The following NF1 variants were observed in gnomAD, a reference collection of about 807,000 sequenced individuals.
NF1 encodes the protein neurofibromin 1, also known as neurofibromin.
Under a neutral mutation model 325.7 loss-of-function variants are expected in NF1, and 122 were observed. That is an observed-to-expected ratio of 0.37 (90% CI 0.32 to 0.44). NF1 has a LOEUF of 0.44. NF1 is among the 20% of genes least tolerant of loss of function. NF1 has a pLI of 1.00. For missense variants in NF1, 2,140 were observed against 3,415.4 expected (o/e 0.63, Z 9.31); for synonymous variants, 1,091 against 1,186.0 (o/e 0.92, Z 1.65).
intron 1 of NF1, among the ~76,000 whole-genome samples, chr17:31,147,291 A>G (rs1916646391): frequency 6.6e-6 from 1 of 152,192 alleles, no homozygotes; most frequent in Non-Finnish European, 1.5e-5. Context: ...TGAATTTAGC[A>G]TGGTTTTGAA....
rs539739926 is a variant in NF1 at position 31,270,763 on chromosome 17, G to A, written c.4835+5424G>A. 1.2e-4 allele frequency among the ~76,000 whole-genome samples: 19 copies of A among 152,238 alleles called. No individual in the cohort carries two copies. The South Asian group carries it at 3.3e-3, about 27-fold the overall frequency. ...TTTCCTAAGTGCTTTCTCTGCATCA[G>A]GAAACTGTGCATATTACATAATTTC... On this transcript the variant is annotated intron_variant, in intron 36 of 57. Coordinates refer to ENST00000358273, the MANE Select transcript of NF1 (RefSeq NM_001042492.3).
chr17:31,117,612 G>C (rs932171744), intron 1 of NF1, among the ~76,000 whole-genome samples: 1 of 130,756 alleles, frequency 7.6e-6, no homozygotes, highest in African/African-American at 2.9e-5. Flanking sequence ...GGCGGAGCTT[G>C]CAGTGAGCCA....
chr17:31,194,941 A>G (rs1283475299), intron 8 of NF1, among the ~76,000 whole-genome samples: 1 of 152,152 alleles, frequency 6.6e-6, no homozygotes, highest in East Asian at 1.9e-4. Context: ...ATGCATTATC[A>G]CTTTTGAAAG....
intron 36 of NF1, among the ~76,000 whole-genome samples, chr17:31,315,527 C>A (rs2068998449): frequency 1.3e-5 from 2 of 152,278 alleles, no homozygotes; most frequent in South Asian, 4.1e-4. Flanking sequence ...TAAATATATA[C>A]ACCTACTATG....
intron 48 of NF1, chr17:31,345,774 C>G: frequency 6.2e-7 from 1 of 1,613,112 alleles, no homozygotes; most frequent in South Asian, 1.1e-5. Flanking sequence ...CCAGCACTGG[C>G]TCCTTGATGG....
intron 36 of NF1, chr17:31,319,126 A>C: frequency 8.2e-7 from 1 of 1,220,230 alleles, no homozygotes; most frequent in East Asian, 2.3e-5. Flanking sequence ...CAAGTAAACT[A>C]CAAGCTTATG....
In NF1 at chr17:31,296,461, T is replaced by G. The variant is rs2068467387; in HGVS notation, c.4836-29359T>G. The stretch of plus-strand genomic sequence containing the variant: ...TTGTTGTCGAGTCCTTTTATAATTG[T>G]TCCAGTGATTAAACTAACAAAGCTC... On this transcript the variant is annotated intron_variant, in intron 36 of 57. Transcript: ENST00000358273. The G allele has an allele frequency of 5.7e-6, 5 of 874,940 alleles. No individual in the cohort carries two copies. In the Admixed American group the frequency reaches 7.0e-5, roughly 12 times the overall value. The allele number at this position is 874,940 out of a possible 1,614,324, so 54.2% of individuals were successfully genotyped here. A position where few individuals can be genotyped will look rare whatever the true frequency, so the allele number is the denominator to read the frequency against.
In NF1 at chr17:31,377,579, T is replaced by A; in HGVS notation, c.*3424T>A. Reference sequence around the variant, plus strand: ...TAGGGGAAAATCATAGAAATCCATTTCAGATCTTTATTGTTCCTCACCCCA... The same window carrying A: ...TAGGGGAAAATCATAGAAATCCATTACAGATCTTTATTGTTCCTCACCCCA... On this transcript the variant is annotated 3_prime_UTR_variant, in exon 58 of 58. Transcript: ENST00000358273. The A allele has an allele frequency of 4.3e-6, 1 of 233,188 alleles. No individual in the cohort carries two copies. Among genetic ancestry groups the A allele is most frequent in the Non-Finnish European group, 8.5e-6 (1 of 117,748 alleles). The allele number at this position is 233,188 out of a possible 1,614,324, so 14.4% of individuals were successfully genotyped here. A position where few individuals can be genotyped will look rare whatever the true frequency, so the allele number is the denominator to read the frequency against.
chr17:31,278,493 CTTTTTTTTTTTTTTTTTTTT>C (rs200450821), intron 36 of NF1, among the ~76,000 whole-genome samples: 590 of 15,338 alleles, frequency 0.038, 19 homozygotes, highest in African/African-American at 0.098. Flanking sequence ...GTAATTGAAG[CTTTTTTTTTTTTTTTTTTTT>C]TTTTTTTTTT....
chr17:31,151,486 C>T (rs1424224279), intron 1 of NF1, among the ~76,000 whole-genome samples: 3 of 152,062 alleles, frequency 2.0e-5, no homozygotes, highest in Non-Finnish European at 2.9e-5. Context: ...GGGTTCTTGC[C>T]GTTTAGCACA....
chr17:31,290,068 G>T (rs901067290), intron 36 of NF1, among the ~76,000 whole-genome samples: 1 of 151,880 alleles, frequency 6.6e-6, no homozygotes, highest in Non-Finnish European at 1.5e-5. Context: ...TATTCATTGA[G>T]AATTTTAAGA....
Position 31,116,274 on chromosome 17 carries a change from C to T in NF1, c.60+20905C>T, listed in dbSNP as rs554575215. Among the ~76,000 whole-genome samples the T allele has an allele frequency of 3.3e-5, 5 of 152,152 alleles. No individual in the cohort carries two copies. The South Asian group carries it at 8.3e-4, about 25-fold the overall frequency. ...GGTAAAACTATTTAATTTCATTGAA[C>T]GTTTTAGGGAAAATGCCTGAATATT... On this transcript the variant is annotated intron_variant, in intron 1 of 57. Coordinates refer to ENST00000358273, the MANE Select transcript of NF1 (RefSeq NM_001042492.3).
chr17:31,198,165 A>C (rs1289295763), intron 8 of NF1, among the ~76,000 whole-genome samples: 6 of 152,114 alleles, frequency 3.9e-5, no homozygotes, highest in Non-Finnish European at 8.8e-5. Context: ...ATGGTGTGTC[A>C]TCCTTTTAAT....
chr17:31,288,878 C>T (rs1394549492), intron 36 of NF1, among the ~76,000 whole-genome samples: 1 of 152,056 alleles, frequency 6.6e-6, no homozygotes, highest in Admixed American at 6.6e-5. Flanking sequence ...AATCCTCCCT[C>T]ATTCTTAACT....
At chr17:31,277,355 G>C (rs1481742830) in intron 36 of NF1, among the ~76,000 whole-genome samples, 5 of 152,184 alleles carry the variant, frequency 3.3e-5, no homozygotes, top group Admixed American at 3.3e-4. Context: ...GAAACAGACG[G>C]TTCAGTGGAG....
intron 48 of NF1, among the ~76,000 whole-genome samples, 177 bp downstream of exon 48, chr17:31,343,312 A>G (rs2069876697): frequency 6.6e-6 from 1 of 152,162 alleles, no homozygotes; most frequent in African/African-American, 2.4e-5. Context: ...TGGGAGGCTG[A>G]GGCAGGAGGA....
At chr17:31,326,659 G>T (rs2069351111) in intron 37 of NF1, among the ~76,000 whole-genome samples, 1 of 151,938 alleles carries the variant, frequency 6.6e-6, no homozygotes, top group African/African-American at 2.4e-5. Context: ...AAAATAAAAG[G>T]TTATGTAAAT....
intron 1 of NF1, among the ~76,000 whole-genome samples, chr17:31,124,592 A>ATTTTTTTTTTTTTTTT (rs35335433): frequency 3.2e-5 from 2 of 62,916 alleles, no homozygotes; most frequent in African/African-American, 1.2e-4. Context: ...GTATTCTTGA[A>ATTTTTTTTTTTTTTTT]TTTTTTTTTT....
chr17:31,346,642 G>A (rs1320792455), intron 48 of NF1, among the ~76,000 whole-genome samples: 1 of 151,590 alleles, frequency 6.6e-6, no homozygotes, highest in Non-Finnish European at 1.5e-5. Flanking sequence ...CAGGCTTTCT[G>A]GTGTGTGCCC....
Sources: allele counts gnomAD v4.1 joint callset (sites outside exome capture counted in the v4.1 genomes callset), GRCh38; gene constraint gnomAD v4.1.1; transcripts MANE v1.5; gene names NCBI Gene and HGNC (gene_info 2026-07-23, HGNC 2026-07-21).